Variants in ANKH observed in about 807,000 individuals in gnomAD.
The protein encoded by ANKH is ANKH inorganic pyrophosphate transport regulator.
ANKH carries 15 observed loss-of-function variants against 49.0 expected under a neutral mutation model. That is an observed-to-expected ratio of 0.31 (90% CI 0.20 to 0.47). The LOEUF (loss-of-function observed/expected upper bound fraction) is 0.47. ANKH is among the 20% of genes least tolerant of loss of function. The pLI is 1.00. For synonymous variants in ANKH, 273 were observed against 260.0 expected, an observed-to-expected ratio of 1.05 and a Z score of -0.48; for missense variants, 429 against 652.0, an observed-to-expected ratio of 0.66 and a Z score of 3.72.
chr5:14,795,715 C>G (rs769283733), intron 1 of ANKH, among the ~76,000 whole-genome samples: 21 of 152,156 alleles, frequency 1.4e-4, no homozygotes, highest in South Asian at 6.2e-4. Context: ...ACAAATTAGT[C>G]GGCGTGGTGG....
At chr5:14,832,037 T>A (rs1741521427) in intron 1 of ANKH, among the ~76,000 whole-genome samples, 1 of 152,174 alleles carries the variant, frequency 6.6e-6, no homozygotes, top group Non-Finnish European at 1.5e-5. Context: ...CAGCTCATAA[T>A]ACCAGCAGTG....
chr5:14,768,943 C>T, intron 2 of ANKH, 32 bp downstream of exon 2: 1 of 1,604,728 alleles, frequency 6.2e-7, no homozygotes. Flanking sequence ...ATTGCCAAAG[C>T]TAGATTCGTC....
chr5:14,808,463 C>A (rs1740772222), intron 1 of ANKH, among the ~76,000 whole-genome samples: 1 of 152,120 alleles, frequency 6.6e-6, no homozygotes, highest in South Asian at 2.1e-4. Flanking sequence ...TCTATTCAAA[C>A]AACAAAGTTT....
At chr5:14,827,344 G>T (rs139374729) in intron 1 of ANKH, among the ~76,000 whole-genome samples, 89 of 152,318 alleles carry the variant, frequency 5.8e-4, no homozygotes, top group Non-Finnish European at 1.0e-3. Flanking sequence ...ATCTGCCTCA[G>T]GTGCACAGCC....
chr5:14,731,333 C>T (rs1737995242), intron 8 of ANKH, among the ~76,000 whole-genome samples: 1 of 152,110 alleles, frequency 6.6e-6, no homozygotes, highest in South Asian at 2.1e-4. Context: ...AACGTAAGAA[C>T]CCCCATAAGA....
intron 6 of ANKH, among the ~76,000 whole-genome samples, 175 bp downstream of exon 6, chr5:14,748,997 C>T (rs1233081760): frequency 6.6e-6 from 1 of 152,216 alleles, no homozygotes. Context: ...TAAAAATATA[C>T]AATTACATGA....
rs1034437991 is a variant in ANKH, at chr5:14,713,730, C to A, written c.1142-63G>T. 2.5e-6 allele frequency: 4 copies of A among 1,609,720 alleles called. No individual in the cohort carries two copies. The highest frequency in any genetic ancestry group is 1.3e-5 in the African/African-American group (1 of 74,942). On this transcript the variant is annotated intron_variant, in intron 9 of 11. Coordinates refer to ENST00000284268, the MANE Select transcript of ANKH (RefSeq NM_054027.6). This position sits in a 1 kb window ranked among gnomAD's most constrained non-coding sequence, Gnocchi z 4.4. ...CCATCCACTCCCCATCCTGCTGCCT[C>A]TGGACCAGGGCAGCACATCCGAGAG...
rs556321507 is a variant in ANKH, at chr5:14,773,866, A to G, written c.97-4675T>C. ...ATGAATTGGCTATTTTCTACCACGA[A>G]CTTAAGTGTCCATACTAATTACATG... On this transcript the variant is annotated intron_variant, in intron 1 of 11. Transcript: ENST00000284268. 2.6e-5 allele frequency among the ~76,000 whole-genome samples: 4 copies of G among 152,320 alleles called. No individual in the cohort carries two copies. The South Asian group carries it at 8.3e-4, about 32-fold the overall frequency.
intron 1 of ANKH, among the ~76,000 whole-genome samples, chr5:14,834,272 C>T (rs990119721): frequency 6.6e-6 from 1 of 152,050 alleles, no homozygotes; most frequent in Non-Finnish European, 1.5e-5. Flanking sequence ...ACAGGACCTG[C>T]GTCACAGGGG....
chr5:14,822,847 C>A (rs1023933399), intron 1 of ANKH, among the ~76,000 whole-genome samples: 1 of 152,062 alleles, frequency 6.6e-6, no homozygotes, highest in African/African-American at 2.4e-5. Context: ...GAGATCGAGA[C>A]CACGGTGAAA....
At chr5:14,840,540 ATT>A (rs1252411556) in intron 1 of ANKH, among the ~76,000 whole-genome samples, 1 of 152,204 alleles carries the variant, frequency 6.6e-6, no homozygotes, top group Non-Finnish European at 1.5e-5. Context: ...TCCAAAGTAT[ATT>A]GAGTTGTGCA....
chr5:14,784,580 T>A (rs917923825), intron 1 of ANKH, among the ~76,000 whole-genome samples: 1 of 152,228 alleles, frequency 6.6e-6, no homozygotes, highest in Non-Finnish European at 1.5e-5. Context: ...TTTGGGGAAC[T>A]GTAGTGCCCT....
intron 3 of ANKH, among the ~76,000 whole-genome samples, chr5:14,757,978 G>A (rs114135848): frequency 0.018 from 2,781 of 152,200 alleles, 75 homozygotes; most frequent in African/African-American, 0.063. Flanking sequence ...GCACACTCAC[G>A]TTCATAGCAG....
Position 14,778,213 on chromosome 5 carries a change from A to C in ANKH, c.97-9022T>G, listed in dbSNP as rs185745878. Among the ~76,000 whole-genome samples, 44 of 152,292 alleles carry C rather than the reference A, an allele frequency of 2.9e-4. 1 individual carries two copies. The highest frequency in any genetic ancestry group is 4.6e-4 in the Non-Finnish European group (31 of 68,032). On this transcript the variant is annotated intron_variant, in intron 1 of 11. Coordinates refer to ENST00000284268, the MANE Select transcript of ANKH (RefSeq NM_054027.6). ...GTAGCTGTGCATTCTTGCTGTCCACACCATTCCAGCCAATGCCTCTCTGCT... is the reference window on the plus strand; with the variant it reads ...GTAGCTGTGCATTCTTGCTGTCCACCCCATTCCAGCCAATGCCTCTCTGCT...
At chr5:14,856,494 T>C (rs554781086) in intron 1 of ANKH, among the ~76,000 whole-genome samples, 1 of 152,078 alleles carries the variant, frequency 6.6e-6, no homozygotes, top group South Asian at 2.1e-4. Flanking sequence ...GCAGAGGTCC[T>C]GACCATCAGA....
chr5:14,766,152 G>A (rs1038458013), intron 2 of ANKH, among the ~76,000 whole-genome samples: 3 of 152,062 alleles, frequency 2.0e-5, no homozygotes, highest in Non-Finnish European at 4.4e-5. Context: ...AGCACTTTGG[G>A]AGGCTCAGGT....
intron 8 of ANKH, among the ~76,000 whole-genome samples, chr5:14,732,351 A>G (rs2126449745): frequency 6.6e-6 from 1 of 152,234 alleles, no homozygotes; most frequent in East Asian, 1.9e-4. Flanking sequence ...CAGGGGTCAC[A>G]TCTGTGGCAG....
chr5:14,835,349 G>C (rs755475900), intron 1 of ANKH, among the ~76,000 whole-genome samples: 1 of 152,094 alleles, frequency 6.6e-6, no homozygotes, highest in African/African-American at 2.4e-5. Context: ...ATTGTAAAAG[G>C]AGCCCTTTGA....
At chr5:14,837,363 T>C (rs114008133) in intron 1 of ANKH, among the ~76,000 whole-genome samples, 31,712 of 151,932 alleles carry the variant, frequency 0.21, 4,057 homozygotes, top group Admixed American at 0.29. Context: ...AAAATTTTTA[T>C]AATCTACCCA....
Sources: allele counts gnomAD v4.1 joint callset (sites outside exome capture counted in the v4.1 genomes callset), GRCh38; gene constraint gnomAD v4.1.1; non-coding constraint Gnocchi (gnomAD v3.1); transcripts MANE v1.5; gene names NCBI Gene and HGNC (gene_info 2026-07-23, HGNC 2026-07-21).